The following RABGAP1L variants were observed in gnomAD, a reference collection of about 807,000 sequenced individuals.
RABGAP1L encodes RAB GTPase activating protein 1 like.
In RABGAP1L, 63 loss-of-function variants were observed where a neutral mutation model predicts 137.7. The observed-to-expected ratio is 0.46, with a 90% CI of 0.37 to 0.56. The LOEUF (loss-of-function observed/expected upper bound fraction) is 0.56, where lower values mean the gene tolerates loss of function less well. RABGAP1L is among the 20% of genes least tolerant of loss of function. The pLI is 0.00. For synonymous variants in RABGAP1L, 431 were observed against 433.7 expected (o/e 0.99, Z 0.08); for missense variants, 1,095 against 1,244.0 (o/e 0.88, Z 1.80).
intron 13 of RABGAP1L, among the ~76,000 whole-genome samples, chr1:174,625,958 GC>G (rs921053567): frequency 3.9e-5 from 6 of 152,124 alleles, no homozygotes; most frequent in Non-Finnish European, 8.8e-5. Context: ...AGTTCAAAGA[GC>G]TGTTTTGATA....
chr1:174,170,671 CAAAAA>C (rs35800051), intron 1 of RABGAP1L, among the ~76,000 whole-genome samples: 3 of 85,356 alleles, frequency 3.5e-5, no homozygotes, highest in Non-Finnish European at 7.1e-5. Context: ...GACGCTGTTT[CAAAAA>C]AAAAAAAAAA....
At chr1:174,558,945 AG>A (rs765810123) in intron 13 of RABGAP1L, among the ~76,000 whole-genome samples, 5 of 152,202 alleles carry the variant, frequency 3.3e-5, no homozygotes, top group Non-Finnish European at 5.9e-5. Flanking sequence ...CTGTTGACAG[AG>A]AAAGAAGGAA....
chr1:174,804,562 C>T (rs533963863), intron 18 of RABGAP1L, among the ~76,000 whole-genome samples: 19 of 152,310 alleles, frequency 1.2e-4, no homozygotes, highest in African/African-American at 4.6e-4. Context: ...ATCTCTCCAG[C>T]TTGGCCTTCC....
chr1:174,452,322 G>T (rs961381803), intron 13 of RABGAP1L, among the ~76,000 whole-genome samples: 1 of 152,136 alleles, frequency 6.6e-6, no homozygotes, highest in Non-Finnish European at 1.5e-5. Context: ...GACACTATTA[G>T]TATATGAAAC....
rs552699230 is a variant in RABGAP1L, at chr1:174,830,356, A to G, written c.2340+18396A>G. Among the ~76,000 whole-genome samples, 48 of 148,100 alleles carry G rather than the reference A, an allele frequency of 3.2e-4. 9 individuals are homozygous for G. In the South Asian group the frequency reaches 9.7e-3, roughly 30 times the overall value. On this transcript the variant is annotated intron_variant, in intron 19 of 25. Transcript: ENST00000681986. ...GGAAAGGAGACTTCCTTCCCATTCA[A>G]TAAAATTTGCTTTTACTCGTTAATA...
At chr1:174,907,771 A>G (rs1659352266) in intron 19 of RABGAP1L, among the ~76,000 whole-genome samples, 1 of 152,204 alleles carries the variant, frequency 6.6e-6, no homozygotes, top group Non-Finnish European at 1.5e-5. Context: ...GAGTCTCAAA[A>G]CAACCACAAG....
chr1:174,764,461 C>A (rs1047350973), intron 18 of RABGAP1L, among the ~76,000 whole-genome samples: 1 of 152,154 alleles, frequency 6.6e-6, no homozygotes, highest in Non-Finnish European at 1.5e-5. Context: ...AAATTAAAGC[C>A]CAATATGATG....
intron 19 of RABGAP1L, among the ~76,000 whole-genome samples, chr1:174,943,445 C>T (rs1666217518): frequency 6.6e-6 from 1 of 152,160 alleles, no homozygotes; most frequent in Admixed American, 6.5e-5. Context: ...AAAATTAGAG[C>T]CATGTATTAG....
intron 13 of RABGAP1L, among the ~76,000 whole-genome samples, chr1:174,611,189 G>T (rs1263959898): frequency 1.4e-5 from 2 of 146,738 alleles, no homozygotes; most frequent in African/African-American, 2.6e-5. Flanking sequence ...ATGGTTTTAG[G>T]TCTAACATTT....
chr1:174,844,828 T>G (rs1693877405), intron 19 of RABGAP1L, among the ~76,000 whole-genome samples: 2 of 68,818 alleles, frequency 2.9e-5, no homozygotes, highest in Admixed American at 1.6e-4. Context: ...TATGGCCATT[T>G]TCACGATATT....
chr1:174,607,871 A>G (rs922738490), intron 13 of RABGAP1L, among the ~76,000 whole-genome samples: 3 of 152,206 alleles, frequency 2.0e-5, no homozygotes, highest in Non-Finnish European at 4.4e-5. Flanking sequence ...TCTTTCCTAT[A>G]CATCAGGAAG....
At chr1:174,877,493 A>G in intron 19 of RABGAP1L, 1 of 1,614,166 alleles carries the variant, frequency 6.2e-7, no homozygotes, top group Non-Finnish European at 8.5e-7. Context: ...CCAGCTGGCA[A>G]GATGATGGAA....
At chr1:174,483,244 T>C (rs1221072023) in intron 13 of RABGAP1L, among the ~76,000 whole-genome samples, 7 of 152,180 alleles carry the variant, frequency 4.6e-5, no homozygotes, top group Non-Finnish European at 8.8e-5. Context: ...TTTCTATTTT[T>C]GTACCCATTA....
chr1:174,272,500 C>T lies in RABGAP1L; in HGVS notation c.1053+20C>T. 1 of 1,544,918 alleles carries T rather than the reference C, an allele frequency of 6.5e-7. No individual in the cohort carries two copies. Among genetic ancestry groups the T allele is most frequent in the Non-Finnish European group, 8.7e-7 (1 of 1,154,108 alleles). On this transcript the variant is annotated intron_variant, in intron 8 of 25. Transcript: ENST00000681986. The stretch of plus-strand genomic sequence containing the variant: ...GATATGGTAATGATAATCTTAAGCA[C>T]CTTAACCAAGTATAGATGATAGTTA...
intron 19 of RABGAP1L, among the ~76,000 whole-genome samples, chr1:174,951,326 C>T (rs1211774152): frequency 2.0e-5 from 3 of 152,198 alleles, no homozygotes; most frequent in Non-Finnish European, 4.4e-5. Flanking sequence ...GATTTCATTT[C>T]TGTATGATCT....
chr1:174,454,406 G>T (rs1655801763), intron 13 of RABGAP1L, among the ~76,000 whole-genome samples: 1 of 152,108 alleles, frequency 6.6e-6, no homozygotes. Flanking sequence ...TCTGAGTTCT[G>T]TAATTTTTAT....
chr1:174,832,630 C>T (rs1292696083), intron 19 of RABGAP1L, among the ~76,000 whole-genome samples: 1 of 122,230 alleles, frequency 8.2e-6, no homozygotes, highest in East Asian at 3.1e-4. Flanking sequence ...GCAGCCCCTT[C>T]TCCCATGACC....
At chr1:174,849,696 C>T in intron 19 of RABGAP1L, 2 of 439,886 alleles carry the variant, frequency 4.5e-6, no homozygotes, top group South Asian at 3.4e-5. Flanking sequence ...GCTTTCTTGT[C>T]TTCAGGAGAT....
intron 11 of RABGAP1L, among the ~76,000 whole-genome samples, chr1:174,312,031 G>A (rs956762693): frequency 1.3e-5 from 2 of 152,190 alleles, no homozygotes; most frequent in Non-Finnish European, 2.9e-5. Context: ...CTTAGTGATT[G>A]TAAACAGTGT....
Sources: gnomAD v4.1 joint callset for allele counts (sites outside exome capture counted in the v4.1 genomes callset) on GRCh38, gnomAD v4.1.1 for gene constraint, MANE v1.5 for transcripts, NCBI Gene and HGNC (gene_info 2026-07-23, HGNC 2026-07-21) for gene names.